The following LCT variants were observed in gnomAD, a reference collection of about 807,000 sequenced individuals.
LCT encodes lactase/phlorizin hydrolase.
A neutral mutation model predicts 173.0 loss-of-function variants in LCT; 90 were observed. The observed-to-expected ratio is 0.52, with a 90% CI of 0.44 to 0.62. The LOEUF (loss-of-function observed/expected upper bound fraction) is 0.62, where lower values mean the gene tolerates loss of function less well. LCT is among the 20% of genes least tolerant of loss of function. LCT has a pLI of 0.00. For missense variants in LCT, 1,864 were observed against 2,431.4 expected, an observed-to-expected ratio of 0.77 and a Z score of 4.91; for synonymous variants, 853 against 957.6, an observed-to-expected ratio of 0.89 and a Z score of 2.02.
At position 135,809,205 on chromosome 2, in the gene LCT, AG is replaced by A; in HGVS notation, c.3141del (p.Cys1049ValfsTer13). Reference protein sequence around the residue: ...ALIDLFDSYADFCFQTFGDRV... With the variant: ...ALIDLFDSYAXFCFQTFGDRV... The stretch of plus-strand genomic sequence containing the variant: ...CTATCACCAAAGGTCTGGAAACAAA[AG>A]TCTGCGTAGCTGTCAAACAAGTCAA... On this transcript the variant is annotated frameshift_variant, in exon 8 of 17. Coordinates refer to ENST00000264162, the MANE Select transcript of LCT (RefSeq NM_002299.4). LOFTEE classifies it high-confidence loss of function. The surrounding 1 kb of genome is among the most constrained non-coding windows in gnomAD (Gnocchi z 5.5). The A allele has an allele frequency of 3.7e-6, 6 of 1,614,226 alleles. No homozygotes were observed. The highest frequency in any genetic ancestry group is 5.1e-6 in the Non-Finnish European group (6 of 1,180,046).
intron 12 of LCT, among the ~76,000 whole-genome samples, chr2:135,799,638 T>TG (rs377322889): frequency 4.6e-4 from 70 of 152,264 alleles, no homozygotes; most frequent in African/African-American, 1.7e-3. Flanking sequence ...TTAGTAGAGA[T>TG]GGGGTCTCAC....
Position 135,817,325 on chromosome 2 carries a change from C to T in LCT, c.1707+16G>A, listed in dbSNP as rs2077787823. On this transcript the variant is annotated intron_variant, in intron 6 of 16. Coordinates refer to ENST00000264162, the MANE Select transcript of LCT (RefSeq NM_002299.4). ...TTTCTCCTCCAATTAGTAGGAGCTG[C>T]AGGGTTGGGAAGTACCTTAAAAGAG... 1 of 1,612,374 alleles carries T rather than the reference C, an allele frequency of 6.2e-7. No homozygotes were observed. Among genetic ancestry groups the T allele is most frequent in the Non-Finnish European group, 8.5e-7 (1 of 1,178,982 alleles).
At chr2:135,828,058 C>T (rs1466318618) in intron 3 of LCT, among the ~76,000 whole-genome samples, 3 of 152,214 alleles carry the variant, frequency 2.0e-5, no homozygotes, top group South Asian at 2.1e-4. Context: ...TGGAGTCTCG[C>T]TCTGTCACCA....
At chr2:135,811,520 A>T (rs2077734257) in intron 7 of LCT, among the ~76,000 whole-genome samples, 1 of 152,184 alleles carries the variant, frequency 6.6e-6, no homozygotes, top group South Asian at 2.1e-4. Flanking sequence ...AAAATCAATG[A>T]CATAGAATGT....
intron 6 of LCT, among the ~76,000 whole-genome samples, chr2:135,815,769 G>A (rs551848871): frequency 2.0e-5 from 3 of 152,010 alleles, no homozygotes; most frequent in Admixed American, 6.6e-5. Context: ...GCATAATCTC[G>A]GCTCACTACA....
intron 1 of LCT, among the ~76,000 whole-genome samples, chr2:135,835,976 G>GTGTGTA (rs1553436126): frequency 6.2e-4 from 50 of 80,430 alleles, no homozygotes; most frequent in Admixed American, 2.7e-3. Context: ...ATACATGTGT[G>GTGTGTA]TATATATATA....
chr2:135,830,383 A>C (rs1309175698), intron 2 of LCT, among the ~76,000 whole-genome samples: 1 of 152,078 alleles, frequency 6.6e-6, no homozygotes, highest in East Asian at 1.9e-4. Flanking sequence ...CAACACCCCC[A>C]GTGCTGCGCT....
At position 135,812,830 on chromosome 2, in the gene LCT, C is replaced by T. The variant is rs1285510686; in HGVS notation, c.1834G>A (p.Glu612Lys). ...GAGGCTCTCAGGTCCTCAGGCCTCT[C>T]TGGAGACAGGGGTTCTGCCCAGTCT... ...NSDWAEPLSPERPEDLRASER... is the reference protein window; with the variant it reads ...NSDWAEPLSPKRPEDLRASER... The change falls in exon 7 of 17, where the codon GAG becomes AAG. Residue 612 changes from glutamate to lysine, a missense_variant. By Grantham distance (56) the Glu-to-Lys change is moderately conservative (BLOSUM62 1). Transcript: ENST00000264162. 1 of 1,614,102 alleles carries T rather than the reference C, an allele frequency of 6.2e-7. No individual in the cohort carries two copies. Among genetic ancestry groups the T allele is most frequent in the Non-Finnish European group, 8.5e-7 (1 of 1,180,058 alleles).
chr2:135,817,914 C>T lies in LCT; in HGVS notation c.1134G>A (p.Leu378=). Residue 378 remains leucine (L), a synonymous_variant, in exon 6 of 17, where the codon CTG becomes CTA. Coordinates refer to ENST00000264162, the MANE Select transcript of LCT (RefSeq NM_002299.4). ...GGAAGCCTTCAGGGAAAGTATCCTG[C>T]AGGAAGGCATCCCTTTCCGCCCTGG... is the stretch of plus-strand genomic sequence containing the variant. ...NQSRAERDAF[L]QDTFPEGFLW... The T allele has an allele frequency of 2.5e-6, 4 of 1,614,030 alleles. No homozygotes were observed. Among genetic ancestry groups the T allele is most frequent in the Non-Finnish European group, 3.4e-6 (4 of 1,180,004 alleles).
At position 135,807,094 on chromosome 2, in the gene LCT, A is replaced by G. The variant is rs759603167; in HGVS notation, c.4173+34T>C. ...AGAGCCTGGCACAGGGCAGGTGTGCAGTCACTGGTGTCCCACCATCCTGAA... is the reference window on the plus strand; with the variant it reads ...AGAGCCTGGCACAGGGCAGGTGTGCGGTCACTGGTGTCCCACCATCCTGAA... On this transcript the variant is annotated intron_variant, in intron 9 of 16. Coordinates refer to ENST00000264162, the MANE Select transcript of LCT (RefSeq NM_002299.4). 9.9e-6 allele frequency: 16 copies of G among 1,612,652 alleles called. No individual in the cohort carries two copies. In the Middle Eastern group the frequency reaches 8.3e-4, roughly 83 times the overall value.
At chr2:135,821,445 C>A (rs2077829697) in intron 5 of LCT, among the ~76,000 whole-genome samples, 1 of 152,146 alleles carries the variant, frequency 6.6e-6, no homozygotes, top group South Asian at 2.1e-4. Context: ...ATGGTCAGAT[C>A]TATCTTTAAC....
rs761976129 is a variant in LCT, at chr2:135,817,807, C to T, written c.1241G>A (p.Arg414His). The T allele has an allele frequency of 2.5e-6, 4 of 1,614,006 alleles. No individual in the cohort carries two copies. The highest frequency in any genetic ancestry group is 1.7e-5 in the Admixed American group (1 of 60,016). ...GCCCTCAGTGGTGTTCAGGGGCCTG[C>T]GTGGATCCCAGATGCTCACCCCTCT... ...GGRGVSIWDP[R>H]RPLNTTEGQA... The change falls in exon 6 of 17, where the codon CGC (arginine) becomes CAC (histidine). Residue 414 changes from arginine (R) to histidine (H), a missense_variant. Coordinates refer to ENST00000264162, the MANE Select transcript of LCT (RefSeq NM_002299.4).
Position 135,812,885 on chromosome 2 carries a change from C to T in LCT, c.1779G>A (p.Gln593=), listed in dbSNP as rs1306484235. The part of the protein sequence containing the change: ...HHYNSHHRPQ[Q]QGHVGIVLNS... ...TCAGCACAATGCCCACGTGCCCCTGCTGCTGTGGGCGATGATGGCTGTTGT... is the reference window on the plus strand; with the variant it reads ...TCAGCACAATGCCCACGTGCCCCTGTTGCTGTGGGCGATGATGGCTGTTGT... Residue 593 remains glutamine, a synonymous_variant, in exon 7 of 17, where the codon CAG becomes CAA. Coordinates refer to ENST00000264162, the MANE Select transcript of LCT (RefSeq NM_002299.4). 6.2e-7 allele frequency: 1 copy of T among 1,614,208 alleles called. No homozygotes were observed. The highest frequency in any genetic ancestry group is 8.5e-7 in the Non-Finnish European group (1 of 1,180,020).
Position 135,804,905 on chromosome 2 carries a change from C to A in LCT, c.4326G>T (p.Leu1442=). 6.2e-7 allele frequency: 1 copy of A among 1,614,160 alleles called. No homozygotes were observed. The highest frequency in any genetic ancestry group is 8.5e-7 in the Non-Finnish European group (1 of 1,180,030). The change falls in exon 10 of 17, where the codon CTG becomes CTT. Residue 1442 remains leucine, a synonymous_variant. Coordinates refer to ENST00000264162, the MANE Select transcript of LCT (RefSeq NM_002299.4). The part of the protein sequence containing the change: ...IAEDLVTLQN[L]GVSHYRFSIS... ...TGGAAAAACGGTAGTGGGACACGCC[C>A]AGGTTCTGCAGGGTGACCAGATCCT... is the stretch of plus-strand genomic sequence containing the variant.
At chr2:135,788,579 G>T in intron 16 of LCT, 35 bp from the exon 17 acceptor site, 1 of 1,363,622 alleles carries the variant, frequency 7.3e-7, no homozygotes, top group Non-Finnish European at 1.1e-6. Flanking sequence ...TTGGTGCTCT[G>T]GCGCTGATTT....
chr2:135,815,685 T>G (rs1462645695), intron 6 of LCT, among the ~76,000 whole-genome samples: 2 of 151,348 alleles, frequency 1.3e-5, no homozygotes, highest in East Asian at 3.9e-4. Flanking sequence ...GGAAATAGTA[T>G]TATTATTATT....
At position 135,812,703 on chromosome 2, in the gene LCT, C is replaced by T. The variant is rs766253588; in HGVS notation, c.1961G>A (p.Arg654Lys). 16 of 1,614,230 alleles carry T rather than the reference C, an allele frequency of 9.9e-6. No individual in the cohort carries two copies. The highest frequency in any genetic ancestry group is 1.3e-5 in the Non-Finnish European group (15 of 1,180,040). The change falls in exon 7 of 17, where the codon AGA (arginine) becomes AAA (lysine). Residue 654 changes from arginine (R) to lysine (K), a missense_variant. By Grantham distance (26) the Arg-to-Lys change is conservative. This residue lies in a region of LCT where 755 missense variants were observed against 926.3 expected (regional missense o/e 0.82). Coordinates refer to ENST00000264162, the MANE Select transcript of LCT (RefSeq NM_002299.4). ...TTGAGCCACAGGATGGGAGCACTGTCTGTTCATCTGTTGGATCTGGGTCCT... is the reference window on the plus strand; with the variant it reads ...TTGAGCCACAGGATGGGAGCACTGTTTGTTCATCTGTTGGATCTGGGTCCT... Reference protein sequence around the residue: ...TLRTQIQQMNRQCSHPVAQLP... With the variant: ...TLRTQIQQMNKQCSHPVAQLP...
chr2:135,791,604 C>T (rs966819687), intron 14 of LCT, among the ~76,000 whole-genome samples: 2 of 152,232 alleles, frequency 1.3e-5, no homozygotes, highest in African/African-American at 2.4e-5. Context: ...ATTTATCTGA[C>T]TCAGCTGAAT....
At chr2:135,801,405 G>T (rs1171256929) in intron 11 of LCT, among the ~76,000 whole-genome samples, 1 of 152,048 alleles carries the variant, frequency 6.6e-6, no homozygotes, top group Non-Finnish European at 1.5e-5. Flanking sequence ...ATGTACAAAT[G>T]ATTTTTTAAA....
Sources: gnomAD v4.1 joint callset for allele counts (sites outside exome capture counted in the v4.1 genomes callset) on GRCh38, gnomAD v4.1.1 for gene constraint, gnomAD v4.1.1 regional missense constraint, Gnocchi (gnomAD v3.1) non-coding constraint, MANE v1.5 for transcripts, NCBI Gene and HGNC (gene_info 2026-07-23, HGNC 2026-07-21) for gene names.